Variants in CFTR observed in about 807,000 individuals in gnomAD.
The protein encoded by CFTR is cystic fibrosis transmembrane conductance regulator.
In CFTR, 181 loss-of-function variants were observed where a neutral mutation model predicts 171.6. The observed-to-expected ratio is 1.05, with a 90% confidence interval of 0.93 to 1.19. CFTR has a LOEUF of 1.19. CFTR is among the 50% of genes most tolerant of loss of function. The pLI is 0.00. For synonymous variants in CFTR, 583 were observed against 608.0 expected (o/e 0.96, Z 0.60); for missense variants, 1,968 against 1,734.7 (o/e 1.13, Z -2.39).
chr7:117,664,840 C>T lies in CFTR; in HGVS notation c.4116C>T (p.Pro1372=), dbSNP rs1793345960. 6.2e-7 allele frequency: 1 copy of T among 1,613,958 alleles called. No individual in the cohort carries two copies. The highest frequency in any genetic ancestry group is 1.7e-5 in the Admixed American group (1 of 60,004). Residue 1372 remains proline (P), a synonymous_variant, in exon 25 of 27, where the codon CCC becomes CCT. Transcript: ENST00000003084. ...CGAAGATCTTGCTGCTTGATGAACCCAGTGCTCATTTGGATCCAGTGTGAG... is the reference window on the plus strand; with the variant it reads ...CGAAGATCTTGCTGCTTGATGAACCTAGTGCTCATTTGGATCCAGTGTGAG... ...SKAKILLLDE[P]SAHLDPVTYQ... is the part of the protein sequence containing the mutation.
chr7:117,494,310 G>A (rs868204140), intron 1 of CFTR, among the ~76,000 whole-genome samples: 3 of 151,970 alleles, frequency 2.0e-5, no homozygotes, highest in Non-Finnish European at 4.4e-5. Flanking sequence ...GTGTTAGAAA[G>A]GATTTAATAA....
chr7:117,540,102 C>G lies in CFTR; in HGVS notation c.872C>G (p.Thr291Arg), dbSNP rs779120165. Residue 291 changes from threonine to arginine, a missense_variant and splice_region_variant, in exon 8 of 27, where the codon ACA becomes AGA. Coordinates refer to ENST00000003084, the MANE Select transcript of CFTR (RefSeq NM_000492.4). Reference protein sequence around the residue: ...MEKMIENLRQTELKLTRKAAY... With the variant: ...MEKMIENLRQRELKLTRKAAY... ...TTTATTGTTATTGTTTTTTATAGAA[C>G]AGAACTGAAACTGACTCGGAAGGCA... The G allele has an allele frequency of 1.9e-6, 3 of 1,611,346 alleles. No homozygotes were observed. In the East Asian group the frequency reaches 6.7e-5, roughly 36 times the overall value.
intron 3 of CFTR, among the ~76,000 whole-genome samples, chr7:117,512,465 A>C (rs1022771353): frequency 2.0e-5 from 3 of 151,868 alleles, no homozygotes; most frequent in African/African-American, 7.3e-5. Flanking sequence ...GTCTCTACTA[A>C]AAGTACAAAA....
At chr7:117,573,587 GC>G (rs909295524) in intron 11 of CFTR, among the ~76,000 whole-genome samples, 1 of 152,072 alleles carries the variant, frequency 6.6e-6, no homozygotes, top group African/African-American at 2.4e-5. Context: ...TTTTAAATAA[GC>G]TCCCCAGGTG....
At chr7:117,580,387 G>A (rs1335140570) in intron 11 of CFTR, among the ~76,000 whole-genome samples, 1 of 151,934 alleles carries the variant, frequency 6.6e-6, no homozygotes, top group Non-Finnish European at 1.5e-5. Flanking sequence ...TGTTGGTGGT[G>A]GTGATTATGG....
At chr7:117,550,663 A>G (rs935622148) in intron 10 of CFTR, among the ~76,000 whole-genome samples, 1 of 152,102 alleles carries the variant, frequency 6.6e-6, no homozygotes, top group African/African-American at 2.4e-5. Context: ...TGTCTTCAAG[A>G]TCAATTCTAT....
intron 11 of CFTR, among the ~76,000 whole-genome samples, chr7:117,581,952 C>A (rs1022197879): frequency 6.6e-6 from 1 of 151,820 alleles, no homozygotes; most frequent in Admixed American, 6.6e-5. Flanking sequence ...GACAGGGTTT[C>A]ACTATGTTGC....
At chr7:117,506,085 A>C (rs1383425489) in intron 2 of CFTR, among the ~76,000 whole-genome samples, 1 of 152,198 alleles carries the variant, frequency 6.6e-6, no homozygotes, top group African/African-American at 2.4e-5. Context: ...TACTCAATAA[A>C]TATTTGTTGA....
At chr7:117,616,591 G>A (rs932821349) in intron 21 of CFTR, among the ~76,000 whole-genome samples, 5 of 152,000 alleles carry the variant, frequency 3.3e-5, no homozygotes, top group South Asian at 2.1e-4. Context: ...TCTACTCTGC[G>A]TGTTCAATCT....
At chr7:117,641,072 T>G (rs985247750) in intron 22 of CFTR, among the ~76,000 whole-genome samples, 1 of 152,166 alleles carries the variant, frequency 6.6e-6, no homozygotes, top group South Asian at 2.1e-4. Context: ...AGTATTGTAC[T>G]TAACATTTGA....
At chr7:117,496,832 A>C (rs542309818) in intron 1 of CFTR, among the ~76,000 whole-genome samples, 1 of 151,934 alleles carries the variant, frequency 6.6e-6, no homozygotes, top group Non-Finnish European at 1.5e-5. Context: ...TATTTGCAAC[A>C]CTTACTATTA....
intron 23 of CFTR, among the ~76,000 whole-genome samples, chr7:117,643,996 G>C (rs944590665): frequency 1.3e-5 from 2 of 152,116 alleles, no homozygotes; most frequent in African/African-American, 4.8e-5. Context: ...GGAAAACCAA[G>C]TGGGCCAGAG....
chr7:117,604,320 G>T (rs1331402362), intron 17 of CFTR, among the ~76,000 whole-genome samples: 1 of 152,098 alleles, frequency 6.6e-6, no homozygotes, highest in Non-Finnish European at 1.5e-5. Flanking sequence ...CAGAATAAAG[G>T]TACTAAAAAT....
At chr7:117,509,669 T>G (rs190504495) in intron 3 of CFTR, among the ~76,000 whole-genome samples, 2 of 152,314 alleles carry the variant, frequency 1.3e-5, no homozygotes, top group East Asian at 3.9e-4. Flanking sequence ...ATATATTTTC[T>G]TAATATCTTA....
intron 14 of CFTR, among the ~76,000 whole-genome samples, chr7:117,593,525 A>AG (rs1792069568): frequency 1.3e-5 from 2 of 152,172 alleles, no homozygotes; most frequent in Non-Finnish European, 2.9e-5. Flanking sequence ...AAAGTGTGTA[A>AG]TTTTAGTATT....
At chr7:117,663,523 A>C (rs550056799) in intron 24 of CFTR, among the ~76,000 whole-genome samples, 1 of 152,232 alleles carries the variant, frequency 6.6e-6, no homozygotes, top group East Asian at 1.9e-4. Context: ...AAAAAAAAAA[A>C]AAAACAAGCC....
chr7:117,602,573 G>A (rs1446627388), intron 15 of CFTR, among the ~76,000 whole-genome samples: 1 of 152,198 alleles, frequency 6.6e-6, no homozygotes, highest in South Asian at 2.1e-4. Flanking sequence ...GAGTAAAGGA[G>A]AGAAATGGCA....
At chr7:117,650,684 T>C (rs1305938463) in intron 23 of CFTR, among the ~76,000 whole-genome samples, 3 of 152,134 alleles carry the variant, frequency 2.0e-5, no homozygotes, top group Non-Finnish European at 4.4e-5. Flanking sequence ...AATGAGGCTG[T>C]AGCCCATATG....
chr7:117,488,441 G>A (rs905624899), intron 1 of CFTR, among the ~76,000 whole-genome samples: 1 of 151,968 alleles, frequency 6.6e-6, no homozygotes, highest in African/African-American at 2.4e-5. Context: ...GAAGAAAATG[G>A]TAGCTTAACA....
Sources: allele counts gnomAD v4.1 joint callset (sites outside exome capture counted in the v4.1 genomes callset), GRCh38; gene constraint gnomAD v4.1.1; transcripts MANE v1.5; gene names NCBI Gene and HGNC (gene_info 2026-07-23, HGNC 2026-07-21).